ADPRS: variants seen among roughly 807,000 people sequenced by gnomAD.
ADPRS encodes ADP-ribosylhydrolase ARH3.
ADPRS carries 25 observed loss-of-function variants against 32.1 expected under a neutral mutation model. The observed-to-expected ratio is 0.78, with a 90% confidence interval of 0.57 to 1.09. The LOEUF is 1.09. ADPRS is among the 50% of genes least tolerant of loss of function. The pLI is 0.00. For synonymous variants in ADPRS, 225 were observed against 201.0 expected (o/e 1.12, Z -1.01); for missense variants, 482 against 480.6 (o/e 1.00, Z -0.03).
At chr1:36,091,419 G>A in intron 2 of ADPRS, 79 bp downstream of exon 2, 1 of 1,395,756 alleles carries the variant, frequency 7.2e-7, no homozygotes, top group Admixed American at 1.9e-5. Context: ...TGACATTTGT[G>A]CATGTCCACG....
chr1:36,092,644 T>G (rs1483603243), intron 5 of ADPRS, 122 bp downstream of exon 5: 10 of 868,322 alleles, frequency 1.2e-5, no homozygotes, highest in Admixed American at 2.3e-5. Flanking sequence ...TGACACGGAG[T>G]CAATGGCAGG....
At chr1:36,091,455 G>A in intron 2 of ADPRS, 115 bp downstream of exon 2, 1 of 1,253,908 alleles carries the variant, frequency 8.0e-7, no homozygotes, top group South Asian at 1.3e-5. Context: ...AGAAGCCTGT[G>A]TCAGGCTGGC....
At position 36,093,127 on chromosome 1, in the gene ADPRS, C is replaced by T; in HGVS notation, c.833C>T (p.Pro278Leu). 1.2e-6 allele frequency: 2 copies of T among 1,614,170 alleles called. No homozygotes were observed. Among genetic ancestry groups the T allele is most frequent in the South Asian group, 1.1e-5 (1 of 91,090 alleles). ...GNGIAAFESV[P>L]TAIYCFLRCM... ...GGCATTGCTGCCTTTGAGTCGGTAC[C>T]CACCGCCATCTACTGCTTCCTACGC... is the stretch of plus-strand genomic sequence containing the variant. Residue 278 changes from proline (P) to leucine (L), a missense_variant, in exon 6 of 6, where the codon CCC becomes CTC. By Grantham distance (98) the Pro-to-Leu change is moderately conservative. Coordinates refer to ENST00000373178, the MANE Select transcript of ADPRS (RefSeq NM_017825.3).
chr1:36,091,769 G>A lies in ADPRS; in HGVS notation c.460G>A (p.Ala154Thr), dbSNP rs1643487246. 6.2e-7 allele frequency: 1 copy of A among 1,612,610 alleles called. No homozygotes were observed. Among genetic ancestry groups the A allele is most frequent in the East Asian group, 2.2e-5 (1 of 44,834 alleles). Residue 154 changes from alanine (A) to threonine (T), a missense_variant, in exon 3 of 6, where the codon GCC (alanine) becomes ACC (threonine). Transcript: ENST00000373178. ...NGKGSYGNGGAMRVAGISLAY... is the reference protein window; with the variant it reads ...NGKGSYGNGGTMRVAGISLAY... Reference sequence around the variant, plus strand: ...GAAAGGCTCCTATGGCAATGGAGGTGCCATGCGGGTGGCTGGCATCTCCCT... The same window carrying A: ...GAAAGGCTCCTATGGCAATGGAGGTACCATGCGGGTGGCTGGCATCTCCCT...
Position 36,093,305 on chromosome 1 carries a change from G to C in ADPRS, c.1011G>C (p.Glu337Asp). The change falls in exon 6 of 6, where the codon GAG (glutamate) becomes GAC (aspartate). Residue 337 changes from glutamate (E) to aspartate (D), a missense_variant. Transcript: ENST00000373178. ...GAYYGMDQVPESWQQSCEGYE... is the reference protein window; with the variant it reads ...GAYYGMDQVPDSWQQSCEGYE... ...ACTATGGGATGGATCAGGTGCCAGA[G>C]AGCTGGCAGCAAAGCTGTGAAGGCT... 1 of 1,614,244 alleles carries C rather than the reference G, an allele frequency of 6.2e-7. No homozygotes were observed. Among genetic ancestry groups the C allele is most frequent in the Non-Finnish European group, 8.5e-7 (1 of 1,180,056 alleles).
chr1:36,091,458 A>AG (rs1643482230), intron 2 of ADPRS, 118 bp downstream of exon 2: 1 of 1,219,710 alleles, frequency 8.2e-7, no homozygotes, highest in Admixed American at 2.1e-5. Context: ...AGCCTGTGTC[A>AG]GGCTGGCACA....
Position 36,093,162 on chromosome 1 carries a change from C to T in ADPRS, c.868C>T (p.Pro290Ser), listed in dbSNP as rs372701793. The change falls in exon 6 of 6, where the codon CCA becomes TCA. Residue 290 changes from proline (P) to serine (S), a missense_variant. Coordinates refer to ENST00000373178, the MANE Select transcript of ADPRS (RefSeq NM_017825.3). ...AIYCFLRCME[P>S]DPEIPSAFNS... ...CTACTGCTTCCTACGCTGCATGGAGCCAGACCCTGAGATCCCTTCTGCCTT... is the reference window on the plus strand; with the variant it reads ...CTACTGCTTCCTACGCTGCATGGAGTCAGACCCTGAGATCCCTTCTGCCTT... The T allele has an allele frequency of 3.7e-6, 6 of 1,614,080 alleles. No homozygotes were observed. Among genetic ancestry groups the T allele is most frequent in the Non-Finnish European group, 5.1e-6 (6 of 1,180,058 alleles).
At chr1:36,090,248 C>T (rs1021144957) in intron 1 of ADPRS, among the ~76,000 whole-genome samples, 21 of 151,966 alleles carry the variant, frequency 1.4e-4, no homozygotes, top group African/African-American at 4.8e-4. Context: ...TCGCTTAAGT[C>T]CAGGAGTTCG....
At chr1:36,092,774 A>G (rs181440701) in intron 5 of ADPRS, among the ~76,000 whole-genome samples, 19 of 152,342 alleles carry the variant, frequency 1.2e-4, no homozygotes, top group African/African-American at 3.4e-4. Flanking sequence ...TTATTTGTCT[A>G]GCATCTATAC....
At position 36,092,088 on chromosome 1, in the gene ADPRS, C is replaced by G. The variant is rs1479008750; in HGVS notation, c.695C>G (p.Ala232Gly). The G allele has an allele frequency of 6.2e-7, 1 of 1,604,870 alleles. No individual in the cohort carries two copies. The highest frequency in any genetic ancestry group is 1.7e-5 in the Admixed American group (1 of 59,314). The change falls in exon 4 of 6, where the codon GCC becomes GGC. Residue 232 changes from alanine (A) to glycine (G), a missense_variant. Physicochemically the swap from Ala to Gly is moderately conservative, Grantham distance 60. Transcript: ENST00000373178. The part of the protein sequence containing the change: ...LEGDAQSVLD[A>G]RELGMEERPY... ...GGTGATGCCCAGTCCGTCTTGGATG[C>G]CAGGGAGTGAGTATGGGGCTGGAGG...
At chr1:36,089,184 G>A (rs1396139610) in intron 1 of ADPRS, 69 bp downstream of exon 1, 4 of 1,367,210 alleles carry the variant, frequency 2.9e-6, no homozygotes, top group Non-Finnish European at 3.8e-6. Context: ...AGCCTCCGGG[G>A]GCGACGGGTC....
chr1:36,092,371 C>A, intron 4 of ADPRS, 51 bp from the exon 5 acceptor site: 1 of 1,570,112 alleles, frequency 6.4e-7, no homozygotes, highest in South Asian at 1.1e-5. Context: ...CCCCTGCCCG[C>A]GCCACCACCC....
At position 36,093,396 on chromosome 1, in the gene ADPRS, C is replaced by T. The variant is rs1246303339; in HGVS notation, c.*10C>T. On this transcript the variant is annotated 3_prime_UTR_variant, in exon 6 of 6. Coordinates refer to ENST00000373178, the MANE Select transcript of ADPRS (RefSeq NM_017825.3). ...CTTCCAGAAGAGTTGATGAGGGCTA[C>T]AGCTGTTGGGGCTCTGCCAGGTCCC... 2 of 1,606,492 alleles carry T rather than the reference C, an allele frequency of 1.2e-6. No homozygotes were observed. Among genetic ancestry groups the T allele is most frequent in the Non-Finnish European group, 1.7e-6 (2 of 1,174,420 alleles).
Position 36,093,620 on chromosome 1 carries a change from T to C in ADPRS, c.*234T>C, listed in dbSNP as rs1643516815. 2.0e-5 allele frequency: 11 copies of C among 563,736 alleles called. No homozygotes were observed. The highest frequency in any genetic ancestry group is 7.4e-5 in the South Asian group (3 of 40,606). 34.9% of individuals were successfully genotyped at this position (563,736 alleles called of 1,614,324 possible). On this transcript the variant is annotated 3_prime_UTR_variant, in exon 6 of 6. Coordinates refer to ENST00000373178, the MANE Select transcript of ADPRS (RefSeq NM_017825.3). ...TTGCTGCAGAGCCGTAGGACACTCC[T>C]GGCTCCTCAGTAGGACAGACAGACG... is the stretch of plus-strand genomic sequence containing the variant.
At chr1:36,090,240 G>A (rs745646589) in intron 1 of ADPRS, among the ~76,000 whole-genome samples, 4 of 152,046 alleles carry the variant, frequency 2.6e-5, no homozygotes, top group Non-Finnish European at 4.4e-5. Context: ...AAGGATCATC[G>A]CTTAAGTCCA....
chr1:36,092,894 G>A (rs973282390), intron 5 of ADPRS, among the ~76,000 whole-genome samples: 15 of 152,220 alleles, frequency 9.9e-5, no homozygotes, highest in Admixed American at 2.0e-4. Flanking sequence ...TTGAATCTGG[G>A]AGCAGGAAGC....
At position 36,092,403 on chromosome 1, in the gene ADPRS, A is replaced by T. The variant is rs766322358; in HGVS notation, c.702-19A>T. 6.2e-7 allele frequency: 1 copy of T among 1,613,160 alleles called. No individual in the cohort carries two copies. Among genetic ancestry groups the T allele is most frequent in the South Asian group, 1.1e-5 (1 of 91,026 alleles). ...ACCCTGCTAGCTCTGACCTCCCTGA[A>T]ATCTCCCCTAAACCACAGGTTGGGC... On this transcript the variant is annotated intron_variant, in intron 4 of 5. Coordinates refer to ENST00000373178, the MANE Select transcript of ADPRS (RefSeq NM_017825.3).
intron 5 of ADPRS, 23 bp downstream of exon 5, chr1:36,092,545 G>T: frequency 1.2e-6 from 2 of 1,609,902 alleles, no homozygotes; most frequent in Non-Finnish European, 1.7e-6. Context: ...GCCTGGGATT[G>T]TCTCTCCCTC....
chr1:36,093,007 C>T, intron 5 of ADPRS, 90 bp from the exon 6 acceptor site: 2 of 1,401,404 alleles, frequency 1.4e-6, no homozygotes, highest in Non-Finnish European at 2.0e-6. Context: ...ATCTTAGTCA[C>T]AGCCTGCTTG....
Sources: gnomAD v4.1 joint callset for allele counts (sites outside exome capture counted in the v4.1 genomes callset) on GRCh38, gnomAD v4.1.1 for gene constraint, MANE v1.5 for transcripts, NCBI Gene and HGNC (gene_info 2026-07-23, HGNC 2026-07-21) for gene names.